SH2D1A: variants seen among roughly 807,000 people sequenced by gnomAD.
SH2D1A encodes SH2 domain containing 1A, also known as SH2 domain-containing protein 1A.
A neutral mutation model predicts 10.1 loss-of-function variants in SH2D1A; 6 were observed. That is an observed-to-expected ratio of 0.60 (90% CI 0.33 to 1.18). The LOEUF is 1.18. Among genes scored for constraint, SH2D1A ranks in the 50% most tolerant of loss-of-function variants. The pLI is 0.04. For missense variants in SH2D1A, 51 were observed against 97.6 expected, an observed-to-expected ratio of 0.52 and a Z score of 2.01; for synonymous variants, 42 against 36.9, an observed-to-expected ratio of 1.14 and a Z score of -0.51.
At chrX:124,349,460 C>G (rs1330664532) in intron 1 of SH2D1A, among the ~76,000 whole-genome samples, 3 of 111,395 alleles carry the variant, frequency 2.7e-5, no homozygotes, top group Admixed American at 9.6e-5. Flanking sequence ...GTCGAAATAA[C>G]AATATAAGTG....
intron 1 of SH2D1A, among the ~76,000 whole-genome samples, chrX:124,350,134 G>A: frequency 1.5e-5 from 1 of 68,744 alleles, no homozygotes; most frequent in Non-Finnish European, 2.6e-5. Context: ...AAAAAGTAAG[G>A]GCAAACACCA....
intron 1 of SH2D1A, among the ~76,000 whole-genome samples, chrX:124,360,922 A>C (rs1052172835): frequency 1.8e-5 from 2 of 111,469 alleles, no homozygotes; most frequent in African/African-American, 6.5e-5. Flanking sequence ...GGCCTGATTC[A>C]AATCCCATTT....
At chrX:124,349,103 C>T (rs2060000985) in intron 1 of SH2D1A, among the ~76,000 whole-genome samples, 1 of 112,359 alleles carries the variant, frequency 8.9e-6, no homozygotes, top group African/African-American at 3.2e-5. Context: ...GTGAATCTTG[C>T]ATAAATGCAG....
intron 1 of SH2D1A, among the ~76,000 whole-genome samples, chrX:124,355,103 C>T (rs757712004): frequency 1.8e-5 from 2 of 112,464 alleles, no homozygotes; most frequent in Non-Finnish European, 3.8e-5. Context: ...TTCGTATAGA[C>T]GTAGAGGGCA....
chrX:124,354,683 G>A lies in SH2D1A; in HGVS notation c.137+7904G>A, dbSNP rs184196097. 2.4e-3 allele frequency among the ~76,000 whole-genome samples: 271 copies of A among 111,924 alleles called. 2 individuals carry two copies. Among genetic ancestry groups the A allele is most frequent in the African/African-American group, 8.3e-3 (256 of 30,806 alleles). On this transcript the variant is annotated intron_variant, in intron 1 of 3. Transcript: ENST00000371139. ...CTCACAGGGTTGTTATGATGATTAT[G>A]ACATGAGTTAATATTTGTAAAGTTA... is the stretch of plus-strand genomic sequence containing the variant.
At chrX:124,368,186 C>T (rs1478867518) in intron 2 of SH2D1A, among the ~76,000 whole-genome samples, 3 of 111,292 alleles carry the variant, frequency 2.7e-5, no homozygotes, top group Admixed American at 9.5e-5. Flanking sequence ...CTCACTCTGT[C>T]GCTCAGGCTG....
At chrX:124,356,652 G>A (rs752555070) in intron 1 of SH2D1A, among the ~76,000 whole-genome samples, 94 of 110,978 alleles carry the variant, frequency 8.5e-4, no homozygotes, top group African/African-American at 2.9e-3. Flanking sequence ...GTAGAGACAG[G>A]GTTTCACCAT....
At chrX:124,366,799 T>C (rs1946576409) in intron 2 of SH2D1A, among the ~76,000 whole-genome samples, 1 of 110,106 alleles carries the variant, frequency 9.1e-6, no homozygotes, top group Admixed American at 9.8e-5. Flanking sequence ...TAAAAAATTC[T>C]CTGTATCACT....
intron 2 of SH2D1A, among the ~76,000 whole-genome samples, chrX:124,369,352 ATTGTTGTTGAT>A (rs1244770598): frequency 8.9e-6 from 1 of 112,147 alleles, no homozygotes; most frequent in African/African-American, 3.2e-5. Context: ...TTTGCAGGAA[ATTGTTGTTGAT>A]TTCAGGCAGT....
chrX:124,367,281 TTCTA>T (rs1184555037), intron 2 of SH2D1A, among the ~76,000 whole-genome samples: 6 of 112,478 alleles, frequency 5.3e-5, no homozygotes, highest in African/African-American at 1.9e-4. Context: ...TTGCATTTTT[TTCTA>T]TCTACTAAAT....
chrX:124,358,793 T>C (rs1363917274), intron 1 of SH2D1A, among the ~76,000 whole-genome samples: 1 of 111,385 alleles, frequency 9.0e-6, no homozygotes, highest in East Asian at 2.8e-4. Flanking sequence ...ACTTTAATGT[T>C]CATACAAATC....
At chrX:124,351,410 T>C (rs967572158) in intron 1 of SH2D1A, among the ~76,000 whole-genome samples, 1 of 109,992 alleles carries the variant, frequency 9.1e-6, no homozygotes, top group Non-Finnish European at 1.9e-5. Flanking sequence ...GATTATTTCC[T>C]TAGAATGAAT....
chrX:124,371,266 T>C, intron 3 of SH2D1A, 85 bp from the exon 4 acceptor site: 1 of 647,631 alleles, frequency 1.5e-6, no homozygotes, highest in South Asian at 2.6e-5. Flanking sequence ...TTTTATGCAG[T>C]TGGAAATTTT....
At chrX:124,364,900 T>C (rs2060050234) in intron 1 of SH2D1A, among the ~76,000 whole-genome samples, 1 of 111,523 alleles carries the variant, frequency 9.0e-6, no homozygotes, top group Non-Finnish European at 1.9e-5. Flanking sequence ...TCCTGCAAGC[T>C]CCATTCATGG....
At chrX:124,350,400 CTA>C (rs1304640263) in intron 1 of SH2D1A, among the ~76,000 whole-genome samples, 4 of 22,667 alleles carry the variant, frequency 1.8e-4, no homozygotes, top group African/African-American at 1.8e-4. Flanking sequence ...ATATTATATA[CTA>C]TATATAATAT....
intron 1 of SH2D1A, among the ~76,000 whole-genome samples, chrX:124,348,150 A>T (rs1226098114): frequency 8.9e-6 from 1 of 111,951 alleles, no homozygotes; most frequent in Non-Finnish European, 1.9e-5. Context: ...TTCAAGGGAA[A>T]TACGTGGAAG....
At chrX:124,349,725 T>G (rs1462394156) in intron 1 of SH2D1A, among the ~76,000 whole-genome samples, 1 of 111,130 alleles carries the variant, frequency 9.0e-6, no homozygotes, top group Admixed American at 9.7e-5. Context: ...CTTTCAGATA[T>G]GGCCTTTTCT....
intron 1 of SH2D1A, among the ~76,000 whole-genome samples, chrX:124,360,600 T>TAAAAA (rs57948305): frequency 6.8e-4 from 21 of 30,770 alleles, no homozygotes; most frequent in African/African-American, 8.9e-4. Flanking sequence ...AAGACACCAT[T>TAAAAA]AAAAAAAAAA....
intron 1 of SH2D1A, among the ~76,000 whole-genome samples, chrX:124,356,235 A>G (rs2060026161): frequency 9.1e-6 from 1 of 109,767 alleles, no homozygotes; most frequent in African/African-American, 3.3e-5. Flanking sequence ...ACATGAACTC[A>G]TCCTTTTTTA....
Sources: allele counts gnomAD v4.1 joint callset (sites outside exome capture counted in the v4.1 genomes callset), GRCh38; gene constraint gnomAD v4.1.1; transcripts MANE v1.5; gene names NCBI Gene and HGNC (gene_info 2026-07-23, HGNC 2026-07-21).